PLCL1: variants seen among roughly 807,000 people sequenced by gnomAD.
The protein encoded by PLCL1 is phospholipase C like 1 (inactive).
Under a neutral mutation model 84.4 loss-of-function variants are expected in PLCL1, and 41 were observed. The ratio of observed to expected loss-of-function variants is 0.49; its 90% CI spans 0.38 to 0.63. The LOEUF is 0.63. PLCL1 is among the 30% of genes least tolerant of loss of function. The pLI, the probability that PLCL1 is intolerant of heterozygous loss-of-function variation, is 0.00. For synonymous variants in PLCL1, 490 were observed against 488.3 expected (o/e 1.00, Z -0.05); for missense variants, 1,206 against 1,367.8 (o/e 0.88, Z 1.87).
At chr2:197,836,388 A>G (rs1243718672) in intron 1 of PLCL1, among the ~76,000 whole-genome samples, 1 of 129,502 alleles carries the variant, frequency 7.7e-6, no homozygotes, top group Non-Finnish European at 1.6e-5. Flanking sequence ...CGGAGCTTGC[A>G]GTGAGCCGAG....
intron 1 of PLCL1, among the ~76,000 whole-genome samples, chr2:197,899,836 CG>C (rs1173150460): frequency 2.0e-5 from 3 of 151,668 alleles, no homozygotes; most frequent in Non-Finnish European, 4.4e-5. Context: ...GGGGTTTCAC[CG>C]TGTTAGCCAG....
chr2:197,885,928 A>G (rs895528075), intron 1 of PLCL1, among the ~76,000 whole-genome samples: 2 of 152,178 alleles, frequency 1.3e-5, no homozygotes, highest in African/African-American at 4.8e-5. Context: ...TAGAACTAAA[A>G]CTATAGCTTC....
intron 1 of PLCL1, among the ~76,000 whole-genome samples, chr2:198,013,071 T>C (rs1309737264): frequency 2.0e-5 from 3 of 152,138 alleles, no homozygotes; most frequent in African/African-American, 7.2e-5. Context: ...TTTTATGCTT[T>C]ATTAAATAGA....
At chr2:198,053,171 G>A (rs1479609157) in intron 1 of PLCL1, among the ~76,000 whole-genome samples, 1 of 152,176 alleles carries the variant, frequency 6.6e-6, no homozygotes, top group Non-Finnish European at 1.5e-5. Flanking sequence ...AATCTATAGT[G>A]AGAGCTACAT....
intron 1 of PLCL1, among the ~76,000 whole-genome samples, chr2:197,858,930 G>A (rs930789402): frequency 6.6e-6 from 1 of 152,022 alleles, no homozygotes; most frequent in South Asian, 2.1e-4. Flanking sequence ...TGGTTACCTT[G>A]TTACTCCTCC....
chr2:198,039,127 G>A (rs1286417736), intron 1 of PLCL1, among the ~76,000 whole-genome samples: 2 of 152,266 alleles, frequency 1.3e-5, no homozygotes, highest in East Asian at 1.9e-4. Context: ...ATGTCAGGAT[G>A]TAGCAGACTA....
intron 1 of PLCL1, among the ~76,000 whole-genome samples, chr2:197,933,803 TTGTC>T (rs1045139976): frequency 6.6e-6 from 1 of 152,286 alleles, no homozygotes; most frequent in Admixed American, 6.5e-5. Flanking sequence ...GACTGGATAA[TTGTC>T]TATATAATAA....
At position 198,081,461 on chromosome 2, in the gene PLCL1, G is replaced by C. The variant is rs538228045; in HGVS notation, c.241-2297G>C. 3.1e-4 allele frequency among the ~76,000 whole-genome samples: 47 copies of C among 152,206 alleles called. No homozygotes were observed. In the South Asian group the frequency reaches 4.1e-3, roughly 13 times the overall value. ...AACATCTGATATTTCTGAGCATTTG[G>C]GTTGTGACAAATTTAAATGTGTTCT... On this transcript the variant is annotated intron_variant, in intron 1 of 5. Transcript: ENST00000428675.
chr2:198,094,340 T>C (rs1049663521), intron 3 of PLCL1, among the ~76,000 whole-genome samples: 14 of 152,134 alleles, frequency 9.2e-5, no homozygotes, highest in East Asian at 1.9e-4. Flanking sequence ...GGATTACAGG[T>C]GTGAGCCACC....
chr2:198,051,397 T>C (rs1258325643), intron 1 of PLCL1, among the ~76,000 whole-genome samples: 1 of 152,236 alleles, frequency 6.6e-6, no homozygotes, highest in Admixed American at 6.5e-5. Flanking sequence ...TTTTAATGGT[T>C]ATGATAAACA....
At chr2:198,033,547 T>C (rs1413704058) in intron 1 of PLCL1, among the ~76,000 whole-genome samples, 1 of 152,228 alleles carries the variant, frequency 6.6e-6, no homozygotes, top group African/African-American at 2.4e-5. Context: ...GAACGGTATC[T>C]GAGTCTCTGT....
chr2:197,993,561 G>T (rs1281531419), intron 1 of PLCL1, among the ~76,000 whole-genome samples: 1 of 152,058 alleles, frequency 6.6e-6, no homozygotes, highest in Non-Finnish European at 1.5e-5. Flanking sequence ...AGTGCCTTGT[G>T]TAACAGTGTA....
chr2:198,092,051 ATCTCCAGCCTCACCTGCT>A (rs1390517101), intron 3 of PLCL1, among the ~76,000 whole-genome samples: 1 of 145,690 alleles, frequency 6.9e-6, no homozygotes, highest in African/African-American at 2.6e-5. Flanking sequence ...CTGCACCTGC[ATCTCCAGCCTCACCTGCT>A]TCTCCCAACC....
chr2:197,857,380 T>A (rs973888866), intron 1 of PLCL1, among the ~76,000 whole-genome samples: 3 of 152,064 alleles, frequency 2.0e-5, no homozygotes, highest in Non-Finnish European at 4.4e-5. Context: ...GCTTAATTTT[T>A]CTCCCAAGGT....
In PLCL1 at chr2:198,083,973, C is replaced by T. The variant is rs1390768046; in HGVS notation, c.456C>T (p.Asp152=). The T allele has an allele frequency of 1.9e-6, 3 of 1,614,122 alleles. No homozygotes were observed. The highest frequency in any genetic ancestry group is 2.5e-6 in the Non-Finnish European group (3 of 1,179,970). Residue 152 remains aspartate, a synonymous_variant, in exon 2 of 6, where the codon GAC becomes GAT. Coordinates refer to ENST00000428675, the MANE Select transcript of PLCL1 (RefSeq NM_006226.4). ...TTCGCTGGGAACCTTCAAAGAAAGA[C>T]CTCGAGAAAGCCAAGCTTGATATTT... The part of the protein sequence containing the change: ...QALRWEPSKK[D]LEKAKLDISA...
chr2:197,874,274 A>C (rs762654915), intron 1 of PLCL1, among the ~76,000 whole-genome samples: 1 of 152,130 alleles, frequency 6.6e-6, no homozygotes, highest in African/African-American at 2.4e-5. Flanking sequence ...TTATTTTTGA[A>C]TATTGCAATT....
At chr2:197,935,829 C>T (rs1382323410) in intron 1 of PLCL1, among the ~76,000 whole-genome samples, 1 of 152,114 alleles carries the variant, frequency 6.6e-6, no homozygotes, top group African/African-American at 2.4e-5. Context: ...CCATAGTCAC[C>T]ATGCTATACA....
intron 1 of PLCL1, among the ~76,000 whole-genome samples, chr2:197,998,221 T>G (rs991629833): frequency 4.4e-5 from 5 of 113,768 alleles, no homozygotes; most frequent in Non-Finnish European, 8.1e-5. Context: ...GTGTGTGATA[T>G]GAGATTGCTT....
At chr2:197,930,619 T>C (rs949046254) in intron 1 of PLCL1, among the ~76,000 whole-genome samples, 11 of 152,226 alleles carry the variant, frequency 7.2e-5, no homozygotes, top group Non-Finnish European at 1.6e-4. Flanking sequence ...AAATAATGTA[T>C]GTTCATAGAA....
Sources: allele counts gnomAD v4.1 joint callset (sites outside exome capture counted in the v4.1 genomes callset), GRCh38; gene constraint gnomAD v4.1.1; transcripts MANE v1.5; gene names NCBI Gene and HGNC (gene_info 2026-07-23, HGNC 2026-07-21).